The following KLF12 variants were observed in gnomAD, a reference collection of about 807,000 sequenced individuals.
The protein encoded by KLF12 is KLF transcription factor 12.
In KLF12, 9 loss-of-function variants were observed where a neutral mutation model predicts 37.8. The ratio of observed to expected loss-of-function variants is 0.24; its 90% CI spans 0.14 to 0.42. The LOEUF (loss-of-function observed/expected upper bound fraction) is 0.42, where lower values mean the gene tolerates loss of function less well. KLF12 is among the 10% of genes least tolerant of loss of function. The pLI, the probability that KLF12 is intolerant of heterozygous loss-of-function variation, is 1.00. For missense variants in KLF12, 411 were observed against 516.0 expected (o/e 0.80, Z 1.97); for synonymous variants, 208 against 202.1 (o/e 1.03, Z -0.25).
chr13:74,189,613 C>T, the KLF12 span, among the ~76,000 whole-genome samples: 5 of 152,254 alleles, frequency 3.3e-5, no homozygotes, highest in South Asian at 6.2e-4. Context: ...GGTATGAAAG[C>T]GTGGAAGATC....
At chr13:73,757,336 T>C (rs947522410) in intron 6 of KLF12, among the ~76,000 whole-genome samples, 1 of 152,132 alleles carries the variant, frequency 6.6e-6, no homozygotes, top group Non-Finnish European at 1.5e-5. Flanking sequence ...TATAAATACG[T>C]TGCACGCTAT....
the KLF12 span, among the ~76,000 whole-genome samples, chr13:74,194,375 A>G: frequency 6.6e-6 from 1 of 152,222 alleles, no homozygotes; most frequent in Non-Finnish European, 1.5e-5. Context: ...GTAATTTATA[A>G]AAAAGAGATA....
the KLF12 span, among the ~76,000 whole-genome samples, chr13:74,188,859 TG>T: frequency 6.6e-6 from 1 of 151,756 alleles, no homozygotes; most frequent in Non-Finnish European, 1.5e-5. Flanking sequence ...TAGCTGGGCG[TG>T]GTGGTGCGCG....
intron 4 of KLF12, among the ~76,000 whole-genome samples, chr13:73,833,912 C>A (rs992480474): frequency 6.6e-6 from 1 of 152,122 alleles, no homozygotes; most frequent in African/African-American, 2.4e-5. Flanking sequence ...AGGGTTCAGA[C>A]TGCACGTCTA....
At chr13:73,954,967 C>T (rs1007873443) in intron 2 of KLF12, among the ~76,000 whole-genome samples, 3 of 152,132 alleles carry the variant, frequency 2.0e-5, no homozygotes, top group Admixed American at 1.3e-4. Flanking sequence ...AGGACATTGC[C>T]TTGGAGCATG....
intron 6 of KLF12, among the ~76,000 whole-genome samples, chr13:73,741,946 C>G (rs1878022510): frequency 6.6e-6 from 1 of 152,128 alleles, no homozygotes; most frequent in Admixed American, 6.5e-5. Context: ...CTGTCATCTG[C>G]TATGCATACA....
At chr13:73,813,474 G>A (rs1401573425) in intron 4 of KLF12, among the ~76,000 whole-genome samples, 187 bp from the exon 5 acceptor site, 1 of 152,064 alleles carries the variant, frequency 6.6e-6, no homozygotes, top group Admixed American at 6.6e-5. Context: ...TCCCTTCATT[G>A]GAGTTACAAA....
chr13:73,901,687 A>G (rs182421631), intron 3 of KLF12, among the ~76,000 whole-genome samples: 5 of 152,316 alleles, frequency 3.3e-5, no homozygotes, highest in Non-Finnish European at 5.9e-5. Context: ...CTAATGCAGC[A>G]AAGCAATAAA....
chr13:73,868,997 A>AT (rs1312106903), intron 3 of KLF12, among the ~76,000 whole-genome samples: 1 of 152,216 alleles, frequency 6.6e-6, no homozygotes, highest in African/African-American at 2.4e-5. Context: ...AGTGACTAGG[A>AT]TGAGACATCA....
chr13:73,950,483 T>C (rs1378304985), intron 2 of KLF12, among the ~76,000 whole-genome samples: 2 of 152,240 alleles, frequency 1.3e-5, no homozygotes. Context: ...AAAGTATTTC[T>C]GTCATTCATA....
chr13:74,281,319 C>A, the KLF12 span, among the ~76,000 whole-genome samples: 2 of 152,066 alleles, frequency 1.3e-5, no homozygotes, highest in African/African-American at 4.8e-5. Context: ...TCATCAGAGA[C>A]AAAGGTGAAA....
chr13:73,725,701 A>G (rs1876607790), intron 6 of KLF12, among the ~76,000 whole-genome samples: 2 of 151,994 alleles, frequency 1.3e-5, no homozygotes, highest in African/African-American at 4.8e-5. Context: ...TATAGGACTT[A>G]ACATGCTAAT....
chr13:73,816,750 GCACTTGCA>G (rs757591747), intron 4 of KLF12, among the ~76,000 whole-genome samples: 1 of 152,194 alleles, frequency 6.6e-6, no homozygotes, highest in African/African-American at 2.4e-5. Flanking sequence ...GGCTTGAAAA[GCACTTGCA>G]CCTTGGGTTT....
chr13:73,905,832 T>A (rs1888257303), intron 3 of KLF12, among the ~76,000 whole-genome samples: 1 of 152,206 alleles, frequency 6.6e-6, no homozygotes, highest in African/African-American at 2.4e-5. Flanking sequence ...AAAATGCTAT[T>A]ATTCCTCCAA....
chr13:73,784,735 A>C (rs1881208196), intron 5 of KLF12, among the ~76,000 whole-genome samples: 1 of 148,826 alleles, frequency 6.7e-6, no homozygotes, highest in Non-Finnish European at 1.5e-5. Flanking sequence ...AGTTCAAGCC[A>C]TTCTCCTGCC....
chr13:74,267,033 T>C, the KLF12 span, among the ~76,000 whole-genome samples: 1 of 152,186 alleles, frequency 6.6e-6, no homozygotes, highest in Non-Finnish European at 1.5e-5. Context: ...GGATAGATGA[T>C]AACTCACTCT....
At chr13:73,862,176 C>T (rs1002513339) in intron 3 of KLF12, among the ~76,000 whole-genome samples, 15 of 151,636 alleles carry the variant, frequency 9.9e-5, no homozygotes, top group Non-Finnish European at 2.1e-4. Flanking sequence ...GGATTCCAGA[C>T]ATCAGCCCAT....
intron 5 of KLF12, among the ~76,000 whole-genome samples, chr13:73,765,849 C>T (rs1409663774): frequency 6.6e-6 from 1 of 152,144 alleles, no homozygotes; most frequent in Non-Finnish European, 1.5e-5. Context: ...ATTACCTTCA[C>T]CCTTTATGCT....
chr13:74,282,642 T>C, the KLF12 span, among the ~76,000 whole-genome samples: 23 of 152,220 alleles, frequency 1.5e-4, no homozygotes, highest in Middle Eastern at 3.4e-3. Flanking sequence ...CACAACAGCA[T>C]GTGCAGAAAA....
Sources: allele counts gnomAD v4.1 joint callset (sites outside exome capture counted in the v4.1 genomes callset), GRCh38; gene constraint gnomAD v4.1.1; transcripts MANE v1.5; gene names NCBI Gene and HGNC (gene_info 2026-07-23, HGNC 2026-07-21).